The following DOP1B variants were observed in gnomAD, a reference collection of about 807,000 sequenced individuals.
DOP1B encodes DOP1 leucine zipper like protein B.
Under a neutral mutation model 233.5 loss-of-function variants are expected in DOP1B, and 174 were observed. The observed-to-expected ratio is 0.75, with a 90% CI of 0.66 to 0.85. The LOEUF (loss-of-function observed/expected upper bound fraction) is 0.85, where lower values mean the gene tolerates loss of function less well. Among genes scored for constraint, DOP1B ranks in the 40% least tolerant of loss-of-function variants. The probability of loss-of-function intolerance (pLI) is 0.00; values close to 1 mark genes in which losing one functional copy is unlikely to be tolerated. For synonymous variants in DOP1B, 1,190 were observed against 1,185.6 expected (o/e 1.00, Z -0.08); for missense variants, 2,652 against 2,846.6 (o/e 0.93, Z 1.56).
intron 27 of DOP1B, among the ~76,000 whole-genome samples, chr21:36,273,453 C>T (rs1480578414): frequency 6.6e-6 from 1 of 151,746 alleles, no homozygotes; most frequent in Non-Finnish European, 1.5e-5. Context: ...AAGTAAATTA[C>T]CAAGAGAATT....
intron 34 of DOP1B, 27 bp downstream of exon 34, chr21:36,288,838 G>A: frequency 6.3e-7 from 1 of 1,585,212 alleles, no homozygotes; most frequent in Non-Finnish European, 8.6e-7. Flanking sequence ...CTGTACACAA[G>A]AGGAAAAGAT....
At chr21:36,172,003 A>G (rs890715927) in intron 2 of DOP1B, among the ~76,000 whole-genome samples, 1 of 152,178 alleles carries the variant, frequency 6.6e-6, no homozygotes, top group Non-Finnish European at 1.5e-5. Flanking sequence ...AGGGAGTGCT[A>G]TTTTAGACAG....
intron 2 of DOP1B, among the ~76,000 whole-genome samples, chr21:36,192,002 A>G (rs1162866684): frequency 6.6e-6 from 1 of 151,986 alleles, no homozygotes; most frequent in Non-Finnish European, 1.5e-5. Flanking sequence ...CATCCTCCCA[A>G]ACAGAAACTT....
At chr21:36,268,025 A>T (rs1196499280) in intron 26 of DOP1B, among the ~76,000 whole-genome samples, 6 of 152,206 alleles carry the variant, frequency 3.9e-5, no homozygotes, top group Non-Finnish European at 7.3e-5. Flanking sequence ...TCAGCGGTGC[A>T]CGTATTGTCT....
intron 2 of DOP1B, among the ~76,000 whole-genome samples, chr21:36,189,096 C>T (rs1490668380): frequency 1.3e-5 from 2 of 152,148 alleles, no homozygotes; most frequent in African/African-American, 2.4e-5. Context: ...CTAAATCATG[C>T]CGTGTCCTGG....
intron 23 of DOP1B, among the ~76,000 whole-genome samples, chr21:36,255,143 GT>G (rs1036000922): frequency 1.2e-4 from 18 of 148,816 alleles, no homozygotes; most frequent in Non-Finnish European, 2.7e-4. Flanking sequence ...GTTTTGTTTA[GT>G]TTTTTCGAGA....
chr21:36,290,432 G>A (rs1477275747), intron 35 of DOP1B, among the ~76,000 whole-genome samples: 2 of 151,968 alleles, frequency 1.3e-5, no homozygotes, highest in Non-Finnish European at 2.9e-5. Context: ...AGGCCAAGGT[G>A]GGTGGATCAC....
Position 36,293,508 on chromosome 21 carries a change from A to G in DOP1B, c.6834A>G (p.Pro2278=). The part of the protein sequence containing the change: ...PFLDFPVTDS[P]RILKQLEECI... ...TGGACTTTCCTGTCACAGATAGCCC[A>G]AGGATCTTAAAACAACTGGAAGAAT... is the stretch of plus-strand genomic sequence containing the variant. Residue 2278 remains proline (P), a synonymous_variant, in exon 37 of 37, where the codon CCA becomes CCG. Coordinates refer to ENST00000691173, the MANE Select transcript of DOP1B (RefSeq NM_001320714.2). The G allele has an allele frequency of 6.2e-7, 1 of 1,614,150 alleles. No individual in the cohort carries two copies. Among genetic ancestry groups the G allele is most frequent in the Non-Finnish European group, 8.5e-7 (1 of 1,179,998 alleles).
intron 1 of DOP1B, among the ~76,000 whole-genome samples, chr21:36,161,697 C>T (rs955656599): frequency 1.3e-5 from 2 of 152,152 alleles, no homozygotes; most frequent in African/African-American, 4.8e-5. Flanking sequence ...GTGCAAGCAT[C>T]GCCATCATCC....
chr21:36,218,636 G>A (rs1424213445), intron 9 of DOP1B, among the ~76,000 whole-genome samples: 1 of 152,158 alleles, frequency 6.6e-6, no homozygotes, highest in Non-Finnish European at 1.5e-5. Flanking sequence ...GTAAAAGATT[G>A]GATTAATCTG....
At chr21:36,186,106 G>A (rs1165500102) in intron 2 of DOP1B, among the ~76,000 whole-genome samples, 2 of 152,130 alleles carry the variant, frequency 1.3e-5, no homozygotes, top group Non-Finnish European at 2.9e-5. Context: ...GGGAGGCTGA[G>A]GCATGAGAAT....
intron 2 of DOP1B, among the ~76,000 whole-genome samples, chr21:36,178,170 C>G (rs779159000): frequency 6.6e-6 from 1 of 152,102 alleles, no homozygotes; most frequent in Admixed American, 6.6e-5. Context: ...GGATGAGACC[C>G]TAATTTAATA....
Position 36,293,646 on chromosome 21 carries a change from G to C in DOP1B, c.*75G>C, listed in dbSNP as rs1040466141. Reference sequence around the variant, plus strand: ...ACCAGGTTATATTCTAAAGAAGAAAGAAGGCAGGATAGTGCTTTTGAACAA... The same window carrying C: ...ACCAGGTTATATTCTAAAGAAGAAACAAGGCAGGATAGTGCTTTTGAACAA... On this transcript the variant is annotated 3_prime_UTR_variant, in exon 37 of 37. Transcript: ENST00000691173. 153 of 1,508,164 alleles carry C rather than the reference G, an allele frequency of 1.0e-4. No individual in the cohort carries two copies. The East Asian group carries it at 3.4e-3, about 34-fold the overall frequency. 93.4% of individuals were successfully genotyped at this position (1,508,164 alleles called of 1,614,324 possible). A position where few individuals can be genotyped will look rare whatever the true frequency, so the allele number is the denominator to read the frequency against.
intron 2 of DOP1B, chr21:36,169,668 G>A: frequency 1.1e-6 from 1 of 898,062 alleles, no homozygotes; most frequent in Non-Finnish European, 1.9e-6. Flanking sequence ...TGGCGCAGAG[G>A]AAGTAGGCGC....
intron 11 of DOP1B, among the ~76,000 whole-genome samples, chr21:36,224,148 G>A (rs1318438064): frequency 1.3e-5 from 2 of 152,004 alleles, no homozygotes; most frequent in Admixed American, 1.3e-4. Flanking sequence ...CAGCCTGGTT[G>A]TTATGTTATT....
chr21:36,281,229 G>A (rs1315525790), intron 31 of DOP1B, among the ~76,000 whole-genome samples: 6 of 152,296 alleles, frequency 3.9e-5, no homozygotes, highest in Admixed American at 2.0e-4. Context: ...CCAGGAGGTC[G>A]AGGCCGCAGT....
chr21:36,217,550 C>G (rs997164404), intron 9 of DOP1B, among the ~76,000 whole-genome samples: 1 of 152,176 alleles, frequency 6.6e-6, no homozygotes, highest in East Asian at 1.9e-4. Flanking sequence ...AAGTCCTACC[C>G]GAGATGTTTG....
intron 23 of DOP1B, among the ~76,000 whole-genome samples, chr21:36,259,166 C>T (rs931477060): frequency 4.6e-5 from 7 of 151,854 alleles, no homozygotes; most frequent in African/African-American, 1.7e-4. Flanking sequence ...AGGGTTTCAC[C>T]GTGTTAGCTA....
intron 18 of DOP1B, among the ~76,000 whole-genome samples, chr21:36,244,496 C>T (rs1447185439): frequency 6.6e-6 from 1 of 152,182 alleles, no homozygotes; most frequent in Non-Finnish European, 1.5e-5. Context: ...ACAATTTCAG[C>T]TCACTGCAAC....
Sources: allele counts gnomAD v4.1 joint callset (sites outside exome capture counted in the v4.1 genomes callset), GRCh38; gene constraint gnomAD v4.1.1; transcripts MANE v1.5; gene names NCBI Gene and HGNC (gene_info 2026-07-23, HGNC 2026-07-21).